ZBBX: variants seen among roughly 807,000 people sequenced by gnomAD.
ZBBX encodes the protein zinc finger B-box domain containing.
In ZBBX, 101 loss-of-function variants were observed where a neutral mutation model predicts 108.5. The ratio of observed to expected loss-of-function variants is 0.93; its 90% CI spans 0.79 to 1.10. The LOEUF is 1.10. Ranked by LOEUF, ZBBX falls within the 50% of genes least tolerant of loss-of-function variation. The pLI, the probability that ZBBX is intolerant of heterozygous loss-of-function variation, is 0.00. For missense variants in ZBBX, 1,009 were observed against 941.4 expected, an observed-to-expected ratio of 1.07 and a Z score of -0.94; for synonymous variants, 356 against 323.4, an observed-to-expected ratio of 1.10 and a Z score of -1.08.
chr3:167,241,854 T>G (rs573015023), intron 21 of ZBBX, among the ~76,000 whole-genome samples: 6 of 152,298 alleles, frequency 3.9e-5, no homozygotes, highest in Admixed American at 3.9e-4. Flanking sequence ...TCAAAGAAAT[T>G]TACAATACAA....
At chr3:167,192,018 A>G in the ZBBX span, among the ~76,000 whole-genome samples, 2 of 148,708 alleles carry the variant, frequency 1.3e-5, no homozygotes, top group African/African-American at 4.9e-5. Flanking sequence ...CCCCATAGTT[A>G]GGTTTTATCT....
At chr3:167,293,772 G>T (rs1050253726) in intron 18 of ZBBX, among the ~76,000 whole-genome samples, 5 of 152,086 alleles carry the variant, frequency 3.3e-5, no homozygotes, top group Non-Finnish European at 5.9e-5. Context: ...GTTTGCAGAT[G>T]ACATGATTGT....
At chr3:167,397,141 G>A (rs893762790) in intron 1 of ZBBX, among the ~76,000 whole-genome samples, 1 of 44,458 alleles carries the variant, frequency 2.2e-5, no homozygotes, top group Admixed American at 2.0e-4. Context: ...GTTCTTGGTG[G>A]TAAAAAAAAA....
rs760621802 is a variant in ZBBX at position 167,317,055 on chromosome 3, A to G, written c.1144T>C (p.Leu382=). 9 of 1,610,952 alleles carry G rather than the reference A, an allele frequency of 5.6e-6. No individual in the cohort carries two copies. In the South Asian group the frequency reaches 8.8e-5, roughly 16 times the overall value. The change falls in exon 14 of 22, where the codon TTA becomes CTA. Residue 382 remains leucine (L), a synonymous_variant. Coordinates refer to ENST00000675490, the MANE Select transcript of ZBBX (RefSeq NM_001199201.2). ...HTALLLPVET[L]NIERPEPSLK... Reference sequence around the variant, plus strand: ...GATGGTTCAGGTCTCTCTATGTTTAATGTTTCTACTGGCAATAAAAGAGCT... The same window carrying G: ...GATGGTTCAGGTCTCTCTATGTTTAGTGTTTCTACTGGCAATAAAAGAGCT...
In ZBBX at chr3:167,310,498, A is replaced by G. The variant is rs189259984; in HGVS notation, c.1417+3476T>C. Among the ~76,000 whole-genome samples, 1,386 of 152,252 alleles carry G rather than the reference A, an allele frequency of 9.1e-3. 23 individuals are homozygous for G. The highest frequency in any genetic ancestry group is 0.031 in the African/African-American group (1,307 of 41,542). On this transcript the variant is annotated intron_variant, in intron 16 of 21. Transcript: ENST00000675490. Reference sequence around the variant, plus strand: ...TTTATTAAGGAAAGAGGCTTAATTGACTCACAGTTCCACATGGCTGGGAGG... The same window carrying G: ...TTTATTAAGGAAAGAGGCTTAATTGGCTCACAGTTCCACATGGCTGGGAGG...
chr3:167,178,795 T>C, the ZBBX span, among the ~76,000 whole-genome samples: 354 of 152,302 alleles, frequency 2.3e-3, 2 homozygotes, highest in African/African-American at 7.9e-3. Flanking sequence ...CAGCTGCTGA[T>C]AGCATCTGGC....
the ZBBX span, among the ~76,000 whole-genome samples, chr3:167,180,056 G>T: frequency 6.6e-6 from 1 of 152,024 alleles, no homozygotes; most frequent in Non-Finnish European, 1.5e-5. Flanking sequence ...GTCAAAGTCT[G>T]TGAATTAGTA....
chr3:167,302,124 T>A (rs1467870637), intron 17 of ZBBX, among the ~76,000 whole-genome samples: 1 of 152,180 alleles, frequency 6.6e-6, no homozygotes, highest in Non-Finnish European at 1.5e-5. Flanking sequence ...TTTTGTAATG[T>A]GTTGTAACAT....
the ZBBX span, among the ~76,000 whole-genome samples, chr3:167,185,654 G>T: frequency 6.6e-6 from 1 of 152,050 alleles, no homozygotes; most frequent in African/African-American, 2.4e-5. Flanking sequence ...TGAAACTGCA[G>T]TTCTAGCATT....
At chr3:167,270,174 A>G (rs1461658516) in intron 20 of ZBBX, among the ~76,000 whole-genome samples, 1 of 152,152 alleles carries the variant, frequency 6.6e-6, no homozygotes, top group East Asian at 1.9e-4. Flanking sequence ...CTCAAAGAAA[A>G]AGCTTCAGTA....
chr3:167,396,121 T>C (rs545131477), intron 1 of ZBBX, among the ~76,000 whole-genome samples: 1 of 152,146 alleles, frequency 6.6e-6, no homozygotes, highest in South Asian at 2.1e-4. Context: ...AAAATACAGT[T>C]CCTGAATAGA....
chr3:167,226,933 G>A, the ZBBX span, among the ~76,000 whole-genome samples: 120 of 151,816 alleles, frequency 7.9e-4, 1 homozygote, highest in African/African-American at 2.8e-3. Context: ...TCATCAGCCT[G>A]TATCTTTGTG....
chr3:167,361,667 A>C (rs1744523837), intron 6 of ZBBX, among the ~76,000 whole-genome samples: 1 of 152,206 alleles, frequency 6.6e-6, no homozygotes, highest in Non-Finnish European at 1.5e-5. Context: ...GATGCTATGT[A>C]CTAAACACAG....
chr3:167,194,630 C>A, the ZBBX span, among the ~76,000 whole-genome samples: 1 of 152,182 alleles, frequency 6.6e-6, no homozygotes, highest in African/African-American at 2.4e-5. Context: ...GGGGCTAAAG[C>A]AGAAGATAAA....
intron 16 of ZBBX, among the ~76,000 whole-genome samples, chr3:167,309,796 T>G (rs2108255908): frequency 6.6e-6 from 1 of 152,348 alleles, no homozygotes; most frequent in South Asian, 2.1e-4. Context: ...CCCCATTGTC[T>G]TGGCAATCAA....
At chr3:167,290,258 G>A (rs1730445939) in intron 18 of ZBBX, among the ~76,000 whole-genome samples, 1 of 152,126 alleles carries the variant, frequency 6.6e-6, no homozygotes, top group Admixed American at 6.6e-5. Context: ...ATCCTGATTG[G>A]GAGACAACTC....
intron 9 of ZBBX, among the ~76,000 whole-genome samples, chr3:167,347,085 G>A (rs1741601669): frequency 1.3e-5 from 2 of 151,700 alleles, no homozygotes; most frequent in South Asian, 2.1e-4. Context: ...TTATAATAAA[G>A]GTGGTTATTA....
At chr3:167,277,710 G>A (rs1379520337) in intron 20 of ZBBX, among the ~76,000 whole-genome samples, 4 of 151,968 alleles carry the variant, frequency 2.6e-5, no homozygotes, top group Admixed American at 2.0e-4. Context: ...AGTCAACAAG[G>A]ATACCCAGGA....
Position 167,317,543 on chromosome 3 carries a change from A to C in ZBBX, c.1038T>G (p.His346Gln), listed in dbSNP as rs1376562126. The change falls in exon 13 of 22, where the codon CAT (histidine) becomes CAG (glutamine). Residue 346 changes from histidine (H) to glutamine (Q), a missense_variant. Coordinates refer to ENST00000675490, the MANE Select transcript of ZBBX (RefSeq NM_001199201.2). Reference protein sequence around the residue: ...KMLPDTFPHPHETTGDAQCSQ... With the variant: ...KMLPDTFPHPQETTGDAQCSQ... ...AACACTGTGCATCACCAGTGGTTTC[A>C]TGTGGATGTGGGAACGTATCTGGTA... is the stretch of plus-strand genomic sequence containing the variant. 3 of 1,611,220 alleles carry C rather than the reference A, an allele frequency of 1.9e-6. No homozygotes were observed. In the African/African-American group the frequency reaches 4.0e-5, roughly 22 times the overall value.
Sources: allele counts gnomAD v4.1 joint callset (sites outside exome capture counted in the v4.1 genomes callset), GRCh38; gene constraint gnomAD v4.1.1; transcripts MANE v1.5; gene names NCBI Gene and HGNC (gene_info 2026-07-23, HGNC 2026-07-21).